LAMA2: variants seen among roughly 807,000 people sequenced by gnomAD.
LAMA2 encodes the protein laminin subunit alpha 2.
Under a neutral mutation model 364.8 loss-of-function variants are expected in LAMA2, and 269 were observed. That is an observed-to-expected ratio of 0.74 (90% CI 0.67 to 0.82). LAMA2 has a LOEUF of 0.82. Ranked by LOEUF, LAMA2 falls within the 40% of genes least tolerant of loss-of-function variation. The probability of loss-of-function intolerance (pLI) is 0.00; values close to 1 mark genes in which losing one functional copy is unlikely to be tolerated. For synonymous variants in LAMA2, 1,379 were observed against 1,370.6 expected, an observed-to-expected ratio of 1.01 and a Z score of -0.14; for missense variants, 3,807 against 3,873.2, an observed-to-expected ratio of 0.98 and a Z score of 0.45.
At chr6:129,140,776 C>T (rs1386750847) in intron 4 of LAMA2, among the ~76,000 whole-genome samples, 2 of 152,028 alleles carry the variant, frequency 1.3e-5, no homozygotes, top group African/African-American at 4.8e-5. Flanking sequence ...AAGGAAGCTG[C>T]ACACAACATC....
intron 1 of LAMA2, among the ~76,000 whole-genome samples, chr6:129,030,007 T>C (rs1786111525): frequency 6.6e-6 from 1 of 152,012 alleles, no homozygotes; most frequent in Non-Finnish European, 1.5e-5. Flanking sequence ...TCAGAATCAG[T>C]TCCTTCCTTT....
intron 22 of LAMA2, among the ~76,000 whole-genome samples, chr6:129,311,260 TA>T (rs1774207413): frequency 1.3e-5 from 2 of 152,114 alleles, no homozygotes; most frequent in Non-Finnish European, 2.9e-5. Flanking sequence ...TAGCTGGGAC[TA>T]CAGGCGTCCG....
chr6:129,008,947 A>T (rs1011141905), intron 1 of LAMA2, among the ~76,000 whole-genome samples: 5 of 152,214 alleles, frequency 3.3e-5, no homozygotes, highest in Non-Finnish European at 7.3e-5. Flanking sequence ...TTTTCTTGGC[A>T]TGCATAATTC....
At chr6:129,293,755 G>A (rs141990645) in intron 20 of LAMA2, among the ~76,000 whole-genome samples, 1 of 152,210 alleles carries the variant, frequency 6.6e-6, no homozygotes, top group Non-Finnish European at 1.5e-5. Flanking sequence ...AGGACCTGTA[G>A]AGAATTGAGG....
At chr6:129,351,196 A>AC (rs1776834257) in intron 31 of LAMA2, among the ~76,000 whole-genome samples, 1 of 152,172 alleles carries the variant, frequency 6.6e-6, no homozygotes, top group South Asian at 2.1e-4. Flanking sequence ...ATGAAAAAAA[A>AC]ATTATGATAT....
At chr6:129,229,587 T>C (rs1007788272) in intron 12 of LAMA2, among the ~76,000 whole-genome samples, 4 of 152,106 alleles carry the variant, frequency 2.6e-5, no homozygotes, top group Admixed American at 2.6e-4. Context: ...ACTTTGAGAG[T>C]TGGTTGAATG....
chr6:129,387,582 T>C (rs1779085037), intron 35 of LAMA2, among the ~76,000 whole-genome samples: 1 of 152,158 alleles, frequency 6.6e-6, no homozygotes, highest in Admixed American at 6.6e-5. Flanking sequence ...TATAAATCAT[T>C]CTACTCTAAA....
chr6:129,098,817 T>C (rs1015508225), intron 4 of LAMA2, among the ~76,000 whole-genome samples: 2 of 152,214 alleles, frequency 1.3e-5, no homozygotes, highest in Admixed American at 6.5e-5. Flanking sequence ...GTAATCCACA[T>C]GAAAGACCCA....
intron 22 of LAMA2, among the ~76,000 whole-genome samples, chr6:129,305,587 A>G (rs1475353172): frequency 6.6e-6 from 1 of 152,164 alleles, no homozygotes; most frequent in Non-Finnish European, 1.5e-5. Context: ...CTGGGATTAC[A>G]GGTGTATACC....
At chr6:129,374,047 G>A (rs1778234939) in intron 34 of LAMA2, among the ~76,000 whole-genome samples, 1 of 152,116 alleles carries the variant, frequency 6.6e-6, no homozygotes, top group South Asian at 2.1e-4. Context: ...GTTGAGAAGG[G>A]GGAGGAAATG....
chr6:129,031,557 T>C (rs1337287180), intron 1 of LAMA2, among the ~76,000 whole-genome samples: 2 of 152,210 alleles, frequency 1.3e-5, no homozygotes, highest in Admixed American at 1.3e-4. Context: ...ATGGAAAATG[T>C]AAACTATCCA....
At chr6:129,355,539 G>C (rs1357866278) in intron 32 of LAMA2, among the ~76,000 whole-genome samples, 1 of 152,088 alleles carries the variant, frequency 6.6e-6, no homozygotes, top group Non-Finnish European at 1.5e-5. Context: ...GATTCACCTG[G>C]GGTGTTTGAT....
intron 1 of LAMA2, among the ~76,000 whole-genome samples, chr6:128,900,754 A>G (rs1777037421): frequency 6.6e-6 from 1 of 152,182 alleles, no homozygotes; most frequent in African/African-American, 2.4e-5. Context: ...AAAGCTCATC[A>G]CTTGGATAAG....
At chr6:129,142,023 T>C (rs1010989821) in intron 4 of LAMA2, among the ~76,000 whole-genome samples, 1 of 152,126 alleles carries the variant, frequency 6.6e-6, no homozygotes, top group Non-Finnish European at 1.5e-5. Flanking sequence ...TATGTGCTTC[T>C]TCCTATCTGT....
intron 1 of LAMA2, among the ~76,000 whole-genome samples, chr6:128,897,376 A>G (rs964688548): frequency 6.6e-6 from 1 of 152,162 alleles, no homozygotes; most frequent in African/African-American, 2.4e-5. Context: ...ATGAATTCTT[A>G]ACTGTGTCAG....
chr6:129,365,660 G>A (rs955065790), intron 32 of LAMA2, among the ~76,000 whole-genome samples: 1 of 145,894 alleles, frequency 6.9e-6, no homozygotes, highest in Non-Finnish European at 1.5e-5. Flanking sequence ...ACCACACCCG[G>A]CCTTCTTTAG....
chr6:128,896,830 G>T (rs1478899247), intron 1 of LAMA2, among the ~76,000 whole-genome samples: 2 of 152,084 alleles, frequency 1.3e-5, no homozygotes, highest in Admixed American at 6.6e-5. Context: ...CACTTTAATG[G>T]AAATTAATTT....
intron 30 of LAMA2, among the ~76,000 whole-genome samples, chr6:129,346,674 C>G (rs1308425886): frequency 1.3e-5 from 2 of 152,174 alleles, no homozygotes; most frequent in African/African-American, 4.8e-5. Context: ...CTAGGCATGG[C>G]TCTTCGTACT....
chr6:129,382,309 T>C (rs1269865272), intron 34 of LAMA2, among the ~76,000 whole-genome samples: 4 of 152,244 alleles, frequency 2.6e-5, no homozygotes, highest in Non-Finnish European at 5.9e-5. Flanking sequence ...TTGTAATTTT[T>C]AAAGAAACAA....
Sources: gnomAD v4.1 joint callset for allele counts (sites outside exome capture counted in the v4.1 genomes callset) on GRCh38, gnomAD v4.1.1 for gene constraint, MANE v1.5 for transcripts, NCBI Gene and HGNC (gene_info 2026-07-23, HGNC 2026-07-21) for gene names.